The following PAICS variants were observed in gnomAD, a reference collection of about 807,000 sequenced individuals.
PAICS encodes phosphoribosylaminoimidazole carboxylase and phosphoribosylaminoimidazolesuccinocarboxamide synthase.
Under a neutral mutation model 53.7 loss-of-function variants are expected in PAICS, and 33 were observed. The ratio of observed to expected loss-of-function variants is 0.61; its 90% confidence interval spans 0.47 to 0.82. The LOEUF (loss-of-function observed/expected upper bound fraction) is 0.82, where lower values mean the gene tolerates loss of function less well. Among genes scored for constraint, PAICS ranks in the 40% least tolerant of loss-of-function variants. The pLI, the probability that PAICS is intolerant of heterozygous loss-of-function variation, is 0.00. For missense variants in PAICS, 394 were observed against 494.1 expected (o/e 0.80, Z 1.92); for synonymous variants, 141 against 167.2 (o/e 0.84, Z 1.21).
At chr4:56,412,204 T>C in the PAICS span, among the ~76,000 whole-genome samples, 1 of 152,120 alleles carries the variant, frequency 6.6e-6, no homozygotes, top group Non-Finnish European at 1.5e-5. Context: ...CCAAACTCCT[T>C]CGTTTTCACT....
upstream of PAICS, chr4:56,435,338 C>A: frequency 6.2e-7 from 1 of 1,613,588 alleles, no homozygotes; most frequent in Non-Finnish European, 8.5e-7. Flanking sequence ...CCACCCCCAC[C>A]CTGTTGCTCA....
At chr4:56,417,835 G>GTTTTTTTTTT in the PAICS span, among the ~76,000 whole-genome samples, 10 of 102,592 alleles carry the variant, frequency 9.7e-5, no homozygotes, top group African/African-American at 3.1e-4. Context: ...TGAAGATTTG[G>GTTTTTTTTTT]TTTTTTGTTT....
chr4:56,454,872 A>AT (rs1719109375), intron 8 of PAICS, among the ~76,000 whole-genome samples: 1 of 151,928 alleles, frequency 6.6e-6, no homozygotes, highest in African/African-American at 2.4e-5. Context: ...AATATTGGGG[A>AT]TAAGGCTGGG....
At chr4:56,454,765 T>C (rs1163153050) in intron 8 of PAICS, among the ~76,000 whole-genome samples, 1 of 152,184 alleles carries the variant, frequency 6.6e-6, no homozygotes, top group Non-Finnish European at 1.5e-5. Flanking sequence ...AAATCAAGTT[T>C]AGATATTTTT....
the PAICS span, among the ~76,000 whole-genome samples, chr4:56,425,692 T>A: frequency 4.6e-5 from 7 of 152,166 alleles, no homozygotes; most frequent in African/African-American, 1.4e-4. Flanking sequence ...CCAGATAGCT[T>A]CAGGATAGGG....
At chr4:56,417,638 C>T in the PAICS span, among the ~76,000 whole-genome samples, 1 of 151,972 alleles carries the variant, frequency 6.6e-6, no homozygotes, top group African/African-American at 2.4e-5. Flanking sequence ...AAAAATAGTC[C>T]AGGTGCAGTC....
chr4:56,441,914 T>A (rs1361782950), intron 2 of PAICS, 54 bp downstream of exon 2: 1 of 1,200,230 alleles, frequency 8.3e-7, no homozygotes, highest in East Asian at 2.5e-5. Context: ...AGCATGTCGA[T>A]GTCTTTCATG....
chr4:56,457,853 CACT>C (rs1719304217), intron 8 of PAICS, among the ~76,000 whole-genome samples: 1 of 151,952 alleles, frequency 6.6e-6, no homozygotes, highest in Non-Finnish European at 1.5e-5. Context: ...ACTTAGCTAC[CACT>C]GTGTTTGCCT....
At chr4:56,424,100 G>A in the PAICS span, among the ~76,000 whole-genome samples, 1 of 152,192 alleles carries the variant, frequency 6.6e-6, no homozygotes, top group South Asian at 2.1e-4. Flanking sequence ...TTTGAAATTG[G>A]AGTTGCTATT....
chr4:56,441,392 TTTCC>T (rs1213608876), intron 1 of PAICS, among the ~76,000 whole-genome samples: 3 of 151,250 alleles, frequency 2.0e-5, no homozygotes, highest in African/African-American at 4.8e-5. Context: ...ACCTCTTATA[TTTCC>T]TAACTGCATG....
At chr4:56,441,967 A>G in intron 2 of PAICS, 107 bp downstream of exon 2, 1 of 716,418 alleles carries the variant, frequency 1.4e-6, no homozygotes, top group African/African-American at 1.8e-5. Context: ...CAGATGTCTC[A>G]AAAGCTAAGT....
the PAICS span, among the ~76,000 whole-genome samples, chr4:56,414,806 T>G: frequency 5.9e-5 from 9 of 152,216 alleles, no homozygotes; most frequent in African/African-American, 2.2e-4. Context: ...GCCCTGTTTC[T>G]CTAAAGGTAA....
Position 56,451,888 on chromosome 4 carries a change from A to G in PAICS, c.788A>G (p.Glu263Gly), listed in dbSNP as rs2110093573. The G allele has an allele frequency of 6.4e-7, 1 of 1,557,352 alleles. No homozygotes were observed. The highest frequency in any genetic ancestry group is 1.2e-5 in the South Asian group (1 of 82,294). The stretch of plus-strand genomic sequence containing the variant: ...TTTCTTCAGTTGCTTTTGAAATCAG[A>G]AAGTCAGTGCAGGGTTGTAGTGTTG... ...AERVELLLKS[E>G]SQCRVVVLMG... The change falls in exon 7 of 9, where the codon GAA (glutamate) becomes GGA (glycine). Residue 263 changes from glutamate (E) to glycine (G), a missense_variant. Physicochemically the swap from Glu to Gly is moderately conservative, Grantham distance 98 (BLOSUM62 -2). This residue lies in a region of PAICS where 131 missense variants were observed against 205.5 expected (regional missense o/e 0.64). Transcript: ENST00000512576.
chr4:56,413,783 G>A, the PAICS span, among the ~76,000 whole-genome samples: 1 of 152,062 alleles, frequency 6.6e-6, no homozygotes, highest in African/African-American at 2.4e-5. Flanking sequence ...TGTAATCCCA[G>A]CTACTTGGGA....
At chr4:56,423,743 T>TAGTC in the PAICS span, among the ~76,000 whole-genome samples, 6 of 152,004 alleles carry the variant, frequency 3.9e-5, 1 homozygote, top group Admixed American at 3.9e-4. Flanking sequence ...GACAAATGCA[T>TAGTC]AGTCATCCTA....
At chr4:56,426,350 C>T in the PAICS span, among the ~76,000 whole-genome samples, 2 of 151,818 alleles carry the variant, frequency 1.3e-5, no homozygotes, top group Non-Finnish European at 2.9e-5. Flanking sequence ...TGCAGTGAGC[C>T]GTGGTCACAC....
upstream of PAICS, chr4:56,435,240 G>A: frequency 6.7e-7 from 1 of 1,499,688 alleles, no homozygotes; most frequent in Non-Finnish European, 9.1e-7. Flanking sequence ...GGCTTAGGTC[G>A]GAGAGGTCGG....
At chr4:56,437,487 T>C (rs1001353002) in intron 1 of PAICS, among the ~76,000 whole-genome samples, 1 of 151,918 alleles carries the variant, frequency 6.6e-6, no homozygotes, top group Non-Finnish European at 1.5e-5. Flanking sequence ...CTGGGTACAT[T>C]CTTTTCCACA....
intron 5 of PAICS, among the ~76,000 whole-genome samples, chr4:56,449,945 A>G (rs1718817099): frequency 6.6e-6 from 1 of 151,732 alleles, no homozygotes; most frequent in South Asian, 2.1e-4. Context: ...ACTGCACTCC[A>G]ACCTGGTTGA....
Sources: gnomAD v4.1 joint callset for allele counts (sites outside exome capture counted in the v4.1 genomes callset) on GRCh38, gnomAD v4.1.1 for gene constraint, gnomAD v4.1.1 regional missense constraint, MANE v1.5 for transcripts, NCBI Gene and HGNC (gene_info 2026-07-23, HGNC 2026-07-21) for gene names.